Variants in SHOC1 observed in about 807,000 individuals in gnomAD.
SHOC1 encodes the protein protein shortage in chiasmata 1 ortholog.
A neutral mutation model predicts 179.2 loss-of-function variants in SHOC1; 136 were observed. That is an observed-to-expected ratio of 0.76 (90% CI 0.66 to 0.87). The LOEUF is 0.87. SHOC1 is among the 40% of genes least tolerant of loss of function. SHOC1 has a pLI of 0.00. For synonymous variants in SHOC1, 489 were observed against 586.6 expected (o/e 0.83, Z 2.41); for missense variants, 1,538 against 1,700.8 (o/e 0.90, Z 1.68).
intron 27 of SHOC1, among the ~76,000 whole-genome samples, chr9:111,688,479 T>C (rs1008723068): frequency 2.0e-5 from 3 of 152,144 alleles, no homozygotes; most frequent in African/African-American, 7.2e-5. Context: ...CCCAAGTACA[T>C]TCACAGATGA....
intron 5 of SHOC1, among the ~76,000 whole-genome samples, chr9:111,774,155 T>C (rs574628080): frequency 7.9e-5 from 12 of 152,264 alleles, no homozygotes; most frequent in African/African-American, 2.9e-4. Context: ...CATTAGTTTT[T>C]ATAAGCCATC....
At chr9:111,757,406 A>G (rs1049111003) in intron 7 of SHOC1, among the ~76,000 whole-genome samples, 10 of 152,112 alleles carry the variant, frequency 6.6e-5, no homozygotes, top group Admixed American at 6.6e-4. Context: ...CCGGCCAAAA[A>G]ATGTTTTTTT....
chr9:111,780,541 C>G (rs1369653597), intron 4 of SHOC1, among the ~76,000 whole-genome samples: 4 of 151,912 alleles, frequency 2.6e-5, no homozygotes, highest in African/African-American at 4.8e-5. Flanking sequence ...ATATCTGTAT[C>G]TAATATATAG....
At chr9:111,794,714 A>G (rs1327725577) in intron 1 of SHOC1, among the ~76,000 whole-genome samples, 186 bp downstream of exon 1, 1 of 152,130 alleles carries the variant, frequency 6.6e-6, no homozygotes, top group Non-Finnish European at 1.5e-5. Flanking sequence ...CACACCTTCT[A>G]TTCTCAGGTT....
intron 4 of SHOC1, among the ~76,000 whole-genome samples, chr9:111,779,436 T>A (rs2780807): frequency 0.52 from 78,875 of 151,954 alleles, 21,836 homozygotes; most frequent in East Asian, 0.87. Flanking sequence ...AATAATTTAG[T>A]TTTCACCAAA....
intron 5 of SHOC1, among the ~76,000 whole-genome samples, chr9:111,770,617 A>G (rs1204678512): frequency 6.6e-6 from 1 of 152,146 alleles, no homozygotes; most frequent in East Asian, 1.9e-4. Context: ...TGATCTGTCC[A>G]TTACTGAGAG....
chr9:111,752,562 A>C (rs1442848766), intron 8 of SHOC1, among the ~76,000 whole-genome samples: 1 of 152,246 alleles, frequency 6.6e-6, no homozygotes, highest in Non-Finnish European at 1.5e-5. Flanking sequence ...ATGAAAAAAC[A>C]GGAACATGTG....
intron 1 of SHOC1, among the ~76,000 whole-genome samples, chr9:111,792,887 C>CTTTTTTT (rs557546500): frequency 6.9e-6 from 1 of 145,850 alleles, no homozygotes; most frequent in Non-Finnish European, 1.5e-5. Context: ...TATCACTGAT[C>CTTTTTTT]TTTTTTTTTT....
intron 24 of SHOC1, among the ~76,000 whole-genome samples, chr9:111,698,750 A>AATGACATGTT (rs1288873270): frequency 9.2e-5 from 14 of 152,178 alleles, no homozygotes; most frequent in African/African-American, 3.4e-4. Context: ...GGCAGGCCAG[A>AATGACATGTT]ATGACATGTT....
intron 18 of SHOC1, among the ~76,000 whole-genome samples, chr9:111,711,803 G>A (rs959439581): frequency 1.3e-5 from 2 of 152,178 alleles, no homozygotes; most frequent in Admixed American, 6.5e-5. Context: ...GAGGGCATGA[G>A]TTTGTGAGTT....
intron 18 of SHOC1, among the ~76,000 whole-genome samples, chr9:111,712,667 T>C (rs1832607672): frequency 6.6e-6 from 1 of 152,022 alleles, no homozygotes; most frequent in Non-Finnish European, 1.5e-5. Flanking sequence ...AACTGAAGAA[T>C]TGAGAATTGA....
chr9:111,739,129 A>G (rs1833927055), intron 11 of SHOC1, among the ~76,000 whole-genome samples: 1 of 152,140 alleles, frequency 6.6e-6, no homozygotes, highest in Non-Finnish European at 1.5e-5. Flanking sequence ...TGCTTTTATA[A>G]TGACAGTAAT....
rs539254099 is a variant in SHOC1 at position 111,728,110 on chromosome 9, G to T, written c.1418-61C>A. ...CACACCTAAACGAGTGTTCTATTAG[G>T]TATTTGAATAACTTTTAGTTGTGGT... On this transcript the variant is annotated intron_variant, in intron 12 of 27. Coordinates refer to ENST00000682961, the MANE Select transcript of SHOC1 (RefSeq NM_001378211.1). The T allele has an allele frequency of 2.0e-5, 23 of 1,168,384 alleles. No homozygotes were observed. In the South Asian group the frequency reaches 4.2e-4, roughly 21 times the overall value. 72.4% of individuals were successfully genotyped at this position (1,168,384 alleles called of 1,614,324 possible).
In SHOC1 at chr9:111,714,641, G is replaced by GA. The variant is rs758765739; in HGVS notation, c.2237-19dup. On this transcript the variant is annotated intron_variant, in intron 16 of 27. Transcript: ENST00000682961. ...CAAATATCCTATTGAAGCAAAATTAGAAAAAAATTGTCTAAGTATTTGTTT... is the reference window on the plus strand; with the variant it reads ...CAAATATCCTATTGAAGCAAAATTAGAAAAAAAATTGTCTAAGTATTTGTTT... 8 of 1,583,274 alleles carry GA rather than the reference G, an allele frequency of 5.1e-6. No individual in the cohort carries two copies. Among genetic ancestry groups the GA allele is most frequent in the African/African-American group, 2.7e-5 (2 of 72,938 alleles).
At chr9:111,743,836 C>G (rs1249442790) in intron 10 of SHOC1, among the ~76,000 whole-genome samples, 1 of 152,178 alleles carries the variant, frequency 6.6e-6, no homozygotes, top group Non-Finnish European at 1.5e-5. Flanking sequence ...ACTGTAAACT[C>G]ATTTTTAAAA....
chr9:111,756,597 C>G (rs1349667605), intron 7 of SHOC1, 119 bp from the exon 8 acceptor site: 1 of 806,662 alleles, frequency 1.2e-6, no homozygotes, highest in East Asian at 2.6e-5. Flanking sequence ...AATCCACATT[C>G]AAAATTGTTA....
intron 5 of SHOC1, among the ~76,000 whole-genome samples, chr9:111,760,602 A>G (rs1835091316): frequency 6.6e-6 from 1 of 151,148 alleles, no homozygotes; most frequent in Non-Finnish European, 1.5e-5. Flanking sequence ...GTTATCTGAT[A>G]AAAATTATAC....
chr9:111,707,788 G>T, intron 19 of SHOC1, 67 bp downstream of exon 19: 1 of 1,021,422 alleles, frequency 9.8e-7, no homozygotes, highest in South Asian at 1.4e-5. Context: ...TTAACTTCTA[G>T]GAAGATTTTG....
chr9:111,706,877 T>C (rs1832302543), intron 19 of SHOC1, 131 bp from the exon 20 acceptor site: 4 of 516,238 alleles, frequency 7.7e-6, no homozygotes, highest in Admixed American at 3.6e-5. Flanking sequence ...AAGGCACTGG[T>C]GCGTTTTCTG....
Sources: allele counts gnomAD v4.1 joint callset (sites outside exome capture counted in the v4.1 genomes callset), GRCh38; gene constraint gnomAD v4.1.1; transcripts MANE v1.5; gene names NCBI Gene and HGNC (gene_info 2026-07-23, HGNC 2026-07-21).